Variants in GSTCD observed in about 807,000 individuals in gnomAD.
GSTCD encodes glutathione S-transferase C-terminal domain-containing protein.
Under a neutral mutation model 68.3 loss-of-function variants are expected in GSTCD, and 44 were observed. That is an observed-to-expected ratio of 0.64 (90% CI 0.51 to 0.83). The LOEUF (loss-of-function observed/expected upper bound fraction) is 0.83. Ranked by LOEUF, GSTCD falls within the 40% of genes least tolerant of loss-of-function variation. The pLI is 0.00. For missense variants in GSTCD, 739 were observed against 735.9 expected, an observed-to-expected ratio of 1.00 and a Z score of -0.05; for synonymous variants, 273 against 255.2, an observed-to-expected ratio of 1.07 and a Z score of -0.67.
At chr4:105,738,770 G>A (rs1168185450) in intron 5 of GSTCD, among the ~76,000 whole-genome samples, 2 of 152,110 alleles carry the variant, frequency 1.3e-5, no homozygotes, top group Non-Finnish European at 2.9e-5. Context: ...ATGTAAGATT[G>A]TGTCATCTGC....
chr4:105,776,511 A>G (rs1354517491), intron 5 of GSTCD, among the ~76,000 whole-genome samples: 2 of 152,326 alleles, frequency 1.3e-5, no homozygotes, highest in South Asian at 2.1e-4. Context: ...TGAGAAGACC[A>G]TGGGAAAAGC....
intron 5 of GSTCD, among the ~76,000 whole-genome samples, chr4:105,785,309 A>C (rs1237219128): frequency 1.3e-5 from 2 of 152,198 alleles, no homozygotes; most frequent in Non-Finnish European, 2.9e-5. Flanking sequence ...TAGATGTGAA[A>C]ACTCTCAGCA....
In GSTCD at chr4:105,796,995, G is replaced by C. The variant is rs145540559; in HGVS notation, c.1241-25959G>C. Among the ~76,000 whole-genome samples the C allele has an allele frequency of 2.4e-3, 370 of 152,006 alleles. 2 individuals are homozygous for C. Among genetic ancestry groups the C allele is most frequent in the African/African-American group, 8.7e-3 (359 of 41,408 alleles). ...AAAGCTCCAGTGCCTCAAAAAGATT[G>C]ACTTGGGTATGGAGAAAGGTTGAAG... On this transcript the variant is annotated intron_variant, in intron 5 of 11. Coordinates refer to ENST00000515279, the MANE Select transcript of GSTCD (RefSeq NM_001370181.1).
intron 8 of GSTCD, among the ~76,000 whole-genome samples, chr4:105,828,786 A>G (rs1205016957): frequency 6.6e-6 from 1 of 152,202 alleles, no homozygotes; most frequent in Non-Finnish European, 1.5e-5. Context: ...AGCATCAGAA[A>G]CCTCAGAGGA....
chr4:105,825,450 T>G (rs557601585), intron 7 of GSTCD, among the ~76,000 whole-genome samples: 1 of 152,276 alleles, frequency 6.6e-6, no homozygotes, highest in African/African-American at 2.4e-5. Context: ...TATTATTGCT[T>G]GTTTCACTTA....
intron 5 of GSTCD, among the ~76,000 whole-genome samples, chr4:105,786,807 A>G (rs1012467040): frequency 6.6e-6 from 1 of 152,124 alleles, no homozygotes; most frequent in African/African-American, 2.4e-5. Flanking sequence ...TCCACATCTG[A>G]TAGTATTGCT....
chr4:105,799,007 T>G (rs987639946), intron 5 of GSTCD, among the ~76,000 whole-genome samples: 6 of 152,196 alleles, frequency 3.9e-5, no homozygotes, highest in Non-Finnish European at 7.3e-5. Flanking sequence ...ATCTAGATCT[T>G]CTGGATAACT....
At chr4:105,784,420 C>T (rs1735390224) in intron 5 of GSTCD, among the ~76,000 whole-genome samples, 1 of 152,186 alleles carries the variant, frequency 6.6e-6, no homozygotes, top group Non-Finnish European at 1.5e-5. Flanking sequence ...AACCCATTCC[C>T]TAAATAATAA....
chr4:105,798,913 G>A (rs1229582926), intron 5 of GSTCD, among the ~76,000 whole-genome samples: 1 of 152,212 alleles, frequency 6.6e-6, no homozygotes, highest in African/African-American at 2.4e-5. Context: ...GGATATGAAA[G>A]TCCTAGATGG....
At chr4:105,760,935 A>C (rs1734381790) in intron 5 of GSTCD, 1 of 313,450 alleles carries the variant, frequency 3.2e-6, no homozygotes. Flanking sequence ...ATTTTCCATG[A>C]TCTCAGAACT....
intron 11 of GSTCD, 53 bp downstream of exon 11, chr4:105,842,187 G>A (rs1724378194): frequency 7.1e-7 from 1 of 1,411,658 alleles, no homozygotes; most frequent in East Asian, 2.3e-5. Context: ...ATATGACTGG[G>A]AATGATTGGA....
Position 105,846,379 on chromosome 4 carries a change from TAAATA to T in GSTCD, c.*805_*809del. The T allele has an allele frequency of 7.4e-6, 1 of 135,944 alleles. No homozygotes were observed. The highest frequency in any genetic ancestry group is 1.9e-4 in the East Asian group (1 of 5,188). 8.4% of individuals were successfully genotyped at this position (135,944 alleles called of 1,614,324 possible). On this transcript the variant is annotated 3_prime_UTR_variant, in exon 12 of 12. Coordinates refer to ENST00000515279, the MANE Select transcript of GSTCD (RefSeq NM_001370181.1). ...ATCAATGAATGAATTAATAAACAAA[TAAATA>T]AATAAATAAATTTCCCATAAATTAC...
chr4:105,778,855 A>C (rs930511891), intron 5 of GSTCD, among the ~76,000 whole-genome samples: 4 of 152,116 alleles, frequency 2.6e-5, no homozygotes, highest in Admixed American at 2.0e-4. Context: ...CAGATTCCTC[A>C]ATGTTAACAT....
intron 3 of GSTCD, among the ~76,000 whole-genome samples, chr4:105,726,281 A>G (rs1225444216): frequency 6.6e-6 from 1 of 152,214 alleles, no homozygotes; most frequent in Non-Finnish European, 1.5e-5. Context: ...ACCACATTTT[A>G]TGATTCCATT....
At chr4:105,824,137 GA>G (rs1000777836) in intron 7 of GSTCD, among the ~76,000 whole-genome samples, 123 of 150,862 alleles carry the variant, frequency 8.2e-4, no homozygotes, top group Admixed American at 6.6e-3. Flanking sequence ...ACTTGCGGAA[GA>G]AAAAAAAATG....
At chr4:105,782,489 C>G (rs1170945200) in intron 5 of GSTCD, among the ~76,000 whole-genome samples, 1 of 152,042 alleles carries the variant, frequency 6.6e-6, no homozygotes, top group East Asian at 1.9e-4. Context: ...GAGACCCTAT[C>G]TCAAAAAACA....
Position 105,842,049 on chromosome 4 carries a change from T to C in GSTCD, c.1696-16T>C, listed in dbSNP as rs372217778. ...AAGATAAAAATAAACCCACATTCTA[T>C]TGCTTTTTCTTTTAGGAACACATGA... On this transcript the variant is annotated splice_polypyrimidine_tract_variant and intron_variant, in intron 10 of 11. Coordinates refer to ENST00000515279, the MANE Select transcript of GSTCD (RefSeq NM_001370181.1). 43 of 1,605,742 alleles carry C rather than the reference T, an allele frequency of 2.7e-5. No individual in the cohort carries two copies. The highest frequency in any genetic ancestry group is 3.6e-5 in the Non-Finnish European group (42 of 1,172,604).
chr4:105,805,326 C>A (rs905604349), intron 5 of GSTCD, among the ~76,000 whole-genome samples: 1 of 151,966 alleles, frequency 6.6e-6, no homozygotes, highest in South Asian at 2.1e-4. Flanking sequence ...AGATTGACAT[C>A]CATGAATAAG....
intron 11 of GSTCD, among the ~76,000 whole-genome samples, chr4:105,843,127 T>A (rs1206452914): frequency 6.6e-6 from 1 of 152,192 alleles, no homozygotes; most frequent in African/African-American, 2.4e-5. Flanking sequence ...TAGCTTACAT[T>A]CAGAGACCAA....
Sources: gnomAD v4.1 joint callset for allele counts (sites outside exome capture counted in the v4.1 genomes callset) on GRCh38, gnomAD v4.1.1 for gene constraint, MANE v1.5 for transcripts, NCBI Gene and HGNC (gene_info 2026-07-23, HGNC 2026-07-21) for gene names.